Variants in GPATCH2 observed in about 807,000 individuals in gnomAD.
GPATCH2 encodes the protein G-patch domain containing 2.
Under a neutral mutation model 58.0 loss-of-function variants are expected in GPATCH2, and 51 were observed. The observed-to-expected ratio is 0.88, with a 90% CI of 0.70 to 1.11. The LOEUF (loss-of-function observed/expected upper bound fraction) is 1.11, where lower values mean the gene tolerates loss of function less well. Among genes scored for constraint, GPATCH2 ranks in the 50% most tolerant of loss-of-function variants. The pLI, the probability that GPATCH2 is intolerant of heterozygous loss-of-function variation, is 0.00. For missense variants in GPATCH2, 625 were observed against 652.2 expected, an observed-to-expected ratio of 0.96 and a Z score of 0.45; for synonymous variants, 222 against 218.5, an observed-to-expected ratio of 1.02 and a Z score of -0.14.
intron 5 of GPATCH2, among the ~76,000 whole-genome samples, chr1:217,574,151 C>T (rs555854311): frequency 1.3e-5 from 2 of 152,122 alleles, no homozygotes; most frequent in Admixed American, 6.5e-5. Flanking sequence ...GAAGGTTTCT[C>T]AAATGCTGAG....
At chr1:217,566,165 T>G (rs1666225912) in intron 5 of GPATCH2, among the ~76,000 whole-genome samples, 1 of 151,352 alleles carries the variant, frequency 6.6e-6, no homozygotes, top group Non-Finnish European at 1.5e-5. Flanking sequence ...GCAAATAGTT[T>G]GCAATTTTTA....
chr1:217,467,372 C>G (rs1237924376), intron 8 of GPATCH2, among the ~76,000 whole-genome samples: 1 of 152,092 alleles, frequency 6.6e-6, no homozygotes, highest in Non-Finnish European at 1.5e-5. Flanking sequence ...CATTGGTATA[C>G]CTATACTTAG....
intron 6 of GPATCH2, among the ~76,000 whole-genome samples, chr1:217,513,918 A>G (rs1662983676): frequency 6.7e-6 from 1 of 149,488 alleles, no homozygotes; most frequent in Non-Finnish European, 1.5e-5. Context: ...TCCGCCTCCC[A>G]AGTTCTAGTG....
chr1:217,604,423 A>T (rs1668261939), intron 5 of GPATCH2, among the ~76,000 whole-genome samples: 1 of 152,134 alleles, frequency 6.6e-6, no homozygotes, highest in Admixed American at 6.6e-5. Context: ...AAATTAATAT[A>T]TAGTAATAGA....
intron 5 of GPATCH2, among the ~76,000 whole-genome samples, chr1:217,606,094 G>A (rs988274030): frequency 6.6e-6 from 1 of 151,938 alleles, no homozygotes; most frequent in African/African-American, 2.4e-5. Context: ...GCATGCACAT[G>A]AGCATAATTA....
At chr1:217,452,078 T>C (rs1659693186) in intron 8 of GPATCH2, among the ~76,000 whole-genome samples, 2 of 152,126 alleles carry the variant, frequency 1.3e-5, no homozygotes, top group South Asian at 4.1e-4. Flanking sequence ...CTTTGTCCCA[T>C]GAAGATGTTT....
chr1:217,521,970 C>A lies in GPATCH2; in HGVS notation c.1099-7081G>T, dbSNP rs1483661716. 2.0e-5 allele frequency among the ~76,000 whole-genome samples: 3 copies of A among 151,998 alleles called. 1 individual carries two copies. In the South Asian group the frequency reaches 6.2e-4, roughly 32 times the overall value. On this transcript the variant is annotated intron_variant, in intron 5 of 9. Transcript: ENST00000366935. Reference sequence around the variant, plus strand: ...ACATAGACTTCAGTTAGTTTCGAAGCGATCTCACTATATTTTTAAGTAAGA... The same window carrying A: ...ACATAGACTTCAGTTAGTTTCGAAGAGATCTCACTATATTTTTAAGTAAGA...
At chr1:217,570,658 C>T (rs896243830) in intron 5 of GPATCH2, among the ~76,000 whole-genome samples, 1 of 152,052 alleles carries the variant, frequency 6.6e-6, no homozygotes, top group African/African-American at 2.4e-5. Context: ...ACCAACAAAG[C>T]GATGGCGAGT....
chr1:217,469,912 T>C (rs1660641428), intron 8 of GPATCH2, among the ~76,000 whole-genome samples: 1 of 152,238 alleles, frequency 6.6e-6, no homozygotes, highest in Admixed American at 6.5e-5. Context: ...TATTAATTTC[T>C]ACAGTGATTC....
chr1:217,542,011 A>G (rs1197489966), intron 5 of GPATCH2, among the ~76,000 whole-genome samples: 8 of 152,218 alleles, frequency 5.3e-5, no homozygotes, highest in Non-Finnish European at 1.0e-4. Flanking sequence ...CTTTGGTCCA[A>G]CTAAGTCACT....
At chr1:217,444,259 T>C (rs1033494120) in intron 9 of GPATCH2, among the ~76,000 whole-genome samples, 1 of 152,188 alleles carries the variant, frequency 6.6e-6, no homozygotes, top group Non-Finnish European at 1.5e-5. Context: ...AGGTTCTGAC[T>C]TGATAAGGAG....
intron 5 of GPATCH2, among the ~76,000 whole-genome samples, chr1:217,582,040 A>T (rs974684829): frequency 6.6e-6 from 1 of 152,208 alleles, no homozygotes; most frequent in African/African-American, 2.4e-5. Context: ...ACTGGTAGGT[A>T]GGAATCAAGA....
intron 8 of GPATCH2, among the ~76,000 whole-genome samples, chr1:217,475,745 T>C (rs1660938001): frequency 6.6e-6 from 1 of 152,024 alleles, no homozygotes; most frequent in Admixed American, 6.6e-5. Flanking sequence ...GGAATTCAAT[T>C]CCCAACTAAA....
chr1:217,551,615 T>C lies in GPATCH2; in HGVS notation c.1099-36726A>G, dbSNP rs568786679. 2.6e-5 allele frequency among the ~76,000 whole-genome samples: 4 copies of C among 152,300 alleles called. No individual in the cohort carries two copies. In the East Asian group the frequency reaches 5.8e-4, roughly 22 times the overall value. On this transcript the variant is annotated intron_variant, in intron 5 of 9. Coordinates refer to ENST00000366935, the MANE Select transcript of GPATCH2 (RefSeq NM_018040.5). ...TCCTTTGCCAGCCACATTAGCAATT[T>C]CAACCATGAACTGAGAAATACGAAC...
chr1:217,598,238 A>G (rs907733449), intron 5 of GPATCH2, among the ~76,000 whole-genome samples: 4 of 151,980 alleles, frequency 2.6e-5, no homozygotes, highest in African/African-American at 9.7e-5. Flanking sequence ...ATACAAAAAA[A>G]TTAGCTAAGT....
chr1:217,462,322 C>T (rs967078011), intron 8 of GPATCH2, among the ~76,000 whole-genome samples: 7 of 152,078 alleles, frequency 4.6e-5, no homozygotes, highest in African/African-American at 1.2e-4. Flanking sequence ...AATCAAATGC[C>T]AAATGATTCA....
At chr1:217,435,284 T>A (rs1035430963) in intron 9 of GPATCH2, among the ~76,000 whole-genome samples, 1 of 152,232 alleles carries the variant, frequency 6.6e-6, no homozygotes, top group Non-Finnish European at 1.5e-5. Flanking sequence ...CAGCCTCCTG[T>A]CTGCTGGATC....
At chr1:217,498,740 C>A (rs1032074904) in intron 6 of GPATCH2, 3 of 388,936 alleles carry the variant, frequency 7.7e-6, no homozygotes, top group African/African-American at 6.3e-5. Context: ...ATTATAGCAT[C>A]ATTACAACAC....
chr1:217,610,321 C>G lies in GPATCH2; in HGVS notation c.1098G>C (p.Met366Ile). The change falls in exon 5 of 10, where the codon ATG becomes ATC. Residue 366 changes from methionine (M) to isoleucine (I), a missense_variant and splice_region_variant. Physicochemically the swap from Met to Ile is conservative, Grantham distance 10. Transcript: ENST00000366935. ...IKKSGGTPTS[M>I]VPIPGPVGNK... ...AATTACACAGAAAAAGTATGCCTAC[C>G]ATTGAAGTTGGAGTCCCTCCAGATT... 1 of 1,566,786 alleles carries G rather than the reference C, an allele frequency of 6.4e-7. No homozygotes were observed.
Sources: allele counts gnomAD v4.1 joint callset (sites outside exome capture counted in the v4.1 genomes callset), GRCh38; gene constraint gnomAD v4.1.1; transcripts MANE v1.5; gene names NCBI Gene and HGNC (gene_info 2026-07-23, HGNC 2026-07-21).